AGBL1: variants seen among roughly 807,000 people sequenced by gnomAD.
AGBL1 encodes the protein cytosolic carboxypeptidase 4.
In AGBL1, 130 loss-of-function variants were observed where a neutral mutation model predicts 118.9. The ratio of observed to expected loss-of-function variants is 1.09; its 90% CI spans 0.95 to 1.26. The LOEUF is 1.26. AGBL1 is among the 50% of genes most tolerant of loss of function. The probability of loss-of-function intolerance (pLI) is 0.00; values close to 1 mark genes in which losing one functional copy is unlikely to be tolerated. For missense variants in AGBL1, 1,584 were observed against 1,298.1 expected (o/e 1.22, Z -3.38); for synonymous variants, 555 against 478.9 (o/e 1.16, Z -2.08).
At chr15:86,233,407 A>C (rs969726144) in intron 6 of AGBL1, among the ~76,000 whole-genome samples, 1 of 151,562 alleles carries the variant, frequency 6.6e-6, no homozygotes, top group Non-Finnish European at 1.5e-5. Context: ...TGAACATAAA[A>C]TCTTTTGAGG....
chr15:86,273,351 G>T (rs1023508860), intron 15 of AGBL1, among the ~76,000 whole-genome samples: 1 of 152,138 alleles, frequency 6.6e-6, no homozygotes, highest in Non-Finnish European at 1.5e-5. Flanking sequence ...AACCATGAAT[G>T]TATAATATAA....
At chr15:86,955,329 G>A (rs1350930881) in intron 23 of AGBL1, among the ~76,000 whole-genome samples, 1 of 151,902 alleles carries the variant, frequency 6.6e-6, no homozygotes, top group Non-Finnish European at 1.5e-5. Context: ...AACCCTGAAG[G>A]TTAAAATGAG....
intron 6 of AGBL1, among the ~76,000 whole-genome samples, chr15:86,238,753 G>A (rs1450647491): frequency 6.6e-6 from 1 of 152,212 alleles, no homozygotes; most frequent in Non-Finnish European, 1.5e-5. Flanking sequence ...ATGGAATGTA[G>A]AATGTTGACT....
rs1168447837 is a variant in AGBL1 at position 86,667,230 on chromosome 15, G to GTATCTATCTATCTATCTATC, written c.2995-7040_2995-7039insCTATCTATCTATCTATCTAT. On this transcript the variant is annotated intron_variant, in intron 21 of 22. Transcript: ENST00000614907. ...TGTATGTATCTATGTATGTATGTAT[G>GTATCTATCTATCTATCTATC]TATGTATGTATGTATGTATGTATGT... Among the ~76,000 whole-genome samples, 14 of 145,088 alleles carry GTATCTATCTATCTATCTATC rather than the reference G, an allele frequency of 9.6e-5. No individual in the cohort carries two copies. The East Asian group carries it at 1.1e-3, about 11-fold the overall frequency.
chr15:86,541,232 C>A (rs1453230083), intron 19 of AGBL1, among the ~76,000 whole-genome samples: 1 of 152,036 alleles, frequency 6.6e-6, no homozygotes, highest in Non-Finnish European at 1.5e-5. Flanking sequence ...AAAGTAAGGT[C>A]CTGGGGCTGG....
At position 86,602,217 on chromosome 15, in the gene AGBL1, C is replaced by A. The variant is rs1016533687; in HGVS notation, c.2994+47680C>A. On this transcript the variant is annotated intron_variant, in intron 21 of 22. Coordinates refer to ENST00000614907, the MANE Select transcript of AGBL1 (RefSeq NM_001386094.1). ...TAACAATGAGTCTGAGTTTTAGATT[C>A]TTAATTCATCACATGTTGTATGGTG... 1.9e-4 allele frequency among the ~76,000 whole-genome samples: 29 copies of A among 152,206 alleles called. 1 individual carries two copies. The highest frequency in any genetic ancestry group is 6.3e-4 in the African/African-American group (26 of 41,534).
rs1215793666 is a variant in AGBL1 at position 86,821,344 on chromosome 15, TAAC to T, written c.3159-85737_3159-85735del. Among the ~76,000 whole-genome samples, 5 of 151,944 alleles carry T rather than the reference TAAC, an allele frequency of 3.3e-5. No individual in the cohort carries two copies. In the South Asian group the frequency reaches 6.2e-4, roughly 19 times the overall value. ...AGTATAATAATAAATAAAATAAACATAACAACAAAAAAGCATGTTAAATATCTT... is the reference window on the plus strand; with the variant it reads ...AGTATAATAATAAATAAAATAAACATAACAAAAAAGCATGTTAAATATCTT... On this transcript the variant is annotated intron_variant, in intron 22 of 22. Coordinates refer to ENST00000614907, the MANE Select transcript of AGBL1 (RefSeq NM_001386094.1).
intron 24 of AGBL1, among the ~76,000 whole-genome samples, chr15:87,004,950 G>T (rs1278513543): frequency 6.6e-6 from 1 of 152,016 alleles, no homozygotes; most frequent in African/African-American, 2.4e-5. Context: ...TACTTATGAA[G>T]CTTAGTTTGG....
intron 22 of AGBL1, among the ~76,000 whole-genome samples, chr15:86,831,050 C>A (rs1056819785): frequency 5.3e-5 from 8 of 152,106 alleles, no homozygotes; most frequent in African/African-American, 1.9e-4. Flanking sequence ...TGGCTACAGG[C>A]AAGAGAGAGC....
intron 22 of AGBL1, among the ~76,000 whole-genome samples, chr15:86,750,041 G>C (rs550052655): frequency 5.3e-4 from 80 of 152,168 alleles, no homozygotes; most frequent in African/African-American, 1.6e-3. Flanking sequence ...AGTTAGGGAG[G>C]ATTCCCTCTT....
At position 86,180,830 on chromosome 15, in the gene AGBL1, AAG is replaced by A. The variant is rs533318779; in HGVS notation, c.488+21806_488+21807del. Reference sequence around the variant, plus strand: ...GAACAGTTAAAATTAAATAATAAAAAAGAACAATCCAATTAAAAATGGACAAA... The same window carrying A: ...GAACAGTTAAAATTAAATAATAAAAAAACAATCCAATTAAAAATGGACAAA... On this transcript the variant is annotated intron_variant, in intron 5 of 22. Transcript: ENST00000614907. Among the ~76,000 whole-genome samples the A allele has an allele frequency of 1.8e-4, 28 of 152,212 alleles. No homozygotes were observed. In the South Asian group the frequency reaches 5.0e-3, roughly 27 times the overall value.
chr15:86,088,381 A>G (rs763630984), intron 1 of AGBL1: 5 of 152,262 alleles, frequency 3.3e-5, no homozygotes, highest in Non-Finnish European at 5.9e-5. Context: ...CTCTGGGTGC[A>G]AGTCTTGGAG....
chr15:86,328,608 CGAG>C (rs1338697056), intron 17 of AGBL1, among the ~76,000 whole-genome samples: 1 of 152,066 alleles, frequency 6.6e-6, no homozygotes, highest in African/African-American at 2.4e-5. Context: ...CCCCAAATCC[CGAG>C]GAGGAGAATG....
At chr15:87,010,595 G>A (rs1019129756) in intron 24 of AGBL1, among the ~76,000 whole-genome samples, 4 of 152,176 alleles carry the variant, frequency 2.6e-5, no homozygotes, top group Non-Finnish European at 5.9e-5. Flanking sequence ...TCTGGCCTTT[G>A]AACTTCACAA....
intron 14 of AGBL1, 131 bp downstream of exon 14, chr15:86,270,198 G>A (rs2079137022): frequency 8.0e-7 from 1 of 1,244,134 alleles, no homozygotes; most frequent in Non-Finnish European, 1.1e-6. Flanking sequence ...GTTGCCAGGT[G>A]CAGCAAGGCA....
At chr15:86,462,154 G>C (rs1179776257) in intron 18 of AGBL1, among the ~76,000 whole-genome samples, 1 of 152,192 alleles carries the variant, frequency 6.6e-6, no homozygotes, top group African/African-American at 2.4e-5. Context: ...CAGAGATCTA[G>C]GTTGAAATTC....
At chr15:86,129,703 A>G (rs1257629581) in intron 1 of AGBL1, among the ~76,000 whole-genome samples, 2 of 152,094 alleles carry the variant, frequency 1.3e-5, no homozygotes, top group African/African-American at 2.4e-5. Flanking sequence ...ACATCTTGCA[A>G]TATATGGGAC....
intron 13 of AGBL1, 52 bp from the exon 14 acceptor site, chr15:86,269,867 T>A: frequency 6.3e-7 from 1 of 1,578,694 alleles, no homozygotes; most frequent in Admixed American, 1.7e-5. Flanking sequence ...GTGTCTGAAG[T>A]TTACCTGAAA....
rs117822070 is a variant in AGBL1 at position 86,766,261 on chromosome 15, G to A, written c.3158+91825G>A. ...CATACTCTGTCTCCCAGGGTGTACCGCCTCCTAGATCAAGACCATTTTATG... is the reference window on the plus strand; with the variant it reads ...CATACTCTGTCTCCCAGGGTGTACCACCTCCTAGATCAAGACCATTTTATG... On this transcript the variant is annotated intron_variant, in intron 22 of 22. Transcript: ENST00000614907. Among the ~76,000 whole-genome samples the A allele has an allele frequency of 7.7e-3, 1,177 of 151,924 alleles. 6 individuals carry two copies. The highest frequency in any genetic ancestry group is 0.013 in the Non-Finnish European group (884 of 67,908).
Sources: gnomAD v4.1 joint callset for allele counts (sites outside exome capture counted in the v4.1 genomes callset) on GRCh38, gnomAD v4.1.1 for gene constraint, MANE v1.5 for transcripts, NCBI Gene and HGNC (gene_info 2026-07-23, HGNC 2026-07-21) for gene names.